Variants in MAGI2 observed in about 807,000 individuals in gnomAD.
MAGI2 encodes the protein membrane-associated guanylate kinase, WW and PDZ domain-containing protein 2.
MAGI2 carries 35 observed loss-of-function variants against 133.3 expected under a neutral mutation model. That is an observed-to-expected ratio of 0.26 (90% confidence interval 0.20 to 0.35). The LOEUF is 0.35. Ranked by LOEUF, MAGI2 falls within the 10% of genes least tolerant of loss-of-function variation. The probability of loss-of-function intolerance (pLI) is 1.00; values close to 1 mark genes in which losing one functional copy is unlikely to be tolerated. For missense variants in MAGI2, 1,636 were observed against 1,863.4 expected, an observed-to-expected ratio of 0.88 and a Z score of 2.25; for synonymous variants, 729 against 710.6, an observed-to-expected ratio of 1.03 and a Z score of -0.41.
chr7:78,798,018 T>G (rs1196599207), intron 2 of MAGI2, among the ~76,000 whole-genome samples: 2 of 152,154 alleles, frequency 1.3e-5, no homozygotes, highest in Non-Finnish European at 2.9e-5. Context: ...TGTTTTATTA[T>G]TTCTGTTCAG....
intron 2 of MAGI2, among the ~76,000 whole-genome samples, chr7:78,784,809 A>G (rs1563502514): frequency 1.3e-5 from 2 of 152,216 alleles, no homozygotes; most frequent in Non-Finnish European, 2.9e-5. Flanking sequence ...AGCTTTGAAT[A>G]AATAAATCTG....
chr7:78,139,461 T>C (rs1822518603), intron 16 of MAGI2, among the ~76,000 whole-genome samples: 1 of 152,152 alleles, frequency 6.6e-6, no homozygotes, highest in Non-Finnish European at 1.5e-5. Context: ...GCCTATGACC[T>C]AAGTGCTTTC....
Position 79,268,689 on chromosome 7 carries a change from T to A in MAGI2, c.301+184331A>T, listed in dbSNP as rs566078154. On this transcript the variant is annotated intron_variant, in intron 1 of 21. Coordinates refer to ENST00000354212, the MANE Select transcript of MAGI2 (RefSeq NM_012301.4). ...TATGTTTCCCTTTAATTTCAGTGGA[T>A]CAGCTTAGTATTTGTGGCCTTTTTG... Among the ~76,000 whole-genome samples, 3 of 152,338 alleles carry A rather than the reference T, an allele frequency of 2.0e-5. No individual in the cohort carries two copies. The East Asian group carries it at 5.8e-4, about 29-fold the overall frequency.
intron 9 of MAGI2, among the ~76,000 whole-genome samples, chr7:78,292,762 C>A (rs1236087761): frequency 1.3e-5 from 2 of 152,042 alleles, no homozygotes; most frequent in Non-Finnish European, 1.5e-5. Flanking sequence ...CAGAACAGAG[C>A]CCCTGGAAAT....
At chr7:78,543,531 A>G (rs966808715) in intron 3 of MAGI2, among the ~76,000 whole-genome samples, 4 of 152,246 alleles carry the variant, frequency 2.6e-5, no homozygotes, top group Non-Finnish European at 5.9e-5. Context: ...TTTCCTTTAT[A>G]TGAGGCCATT....
intron 21 of MAGI2, 71 bp from the exon 22 acceptor site, chr7:78,020,047 A>AC: frequency 7.3e-7 from 1 of 1,374,578 alleles, no homozygotes; most frequent in Non-Finnish European, 9.7e-7. Context: ...TACGCCGGGG[A>AC]CAGGGGCAGG....
intron 1 of MAGI2, among the ~76,000 whole-genome samples, chr7:79,197,729 G>A (rs1456794710): frequency 1.3e-5 from 2 of 151,936 alleles, no homozygotes; most frequent in African/African-American, 4.8e-5. Context: ...CCAAGGTGAA[G>A]GCTGTACCGA....
chr7:79,308,068 A>G (rs1837962042), intron 1 of MAGI2, among the ~76,000 whole-genome samples: 1 of 152,194 alleles, frequency 6.6e-6, no homozygotes, highest in African/African-American at 2.4e-5. Flanking sequence ...TGAGTCAGAT[A>G]AAAGAAAATG....
intron 1 of MAGI2, among the ~76,000 whole-genome samples, chr7:79,306,094 C>A (rs28379793): frequency 0.016 from 2,387 of 149,184 alleles, 56 homozygotes; most frequent in African/African-American, 0.057. Context: ...GCAGTCTTGA[C>A]CTTCTGGGCT....
chr7:78,489,848 GAA>G lies in MAGI2; in HGVS notation c.966-10_966-9del. 1 of 1,605,230 alleles carries G rather than the reference GAA, an allele frequency of 6.2e-7. No homozygotes were observed. Among genetic ancestry groups the G allele is most frequent in the Non-Finnish European group, 8.5e-7 (1 of 1,173,946 alleles). ...GTTGTCTTTGTGTTATGGCTGAAAA[GAA>G]AAGAGATCACTCTGAACAGACACAT... On this transcript the variant is annotated splice_polypyrimidine_tract_variant and intron_variant, in intron 5 of 21. Coordinates refer to ENST00000354212, the MANE Select transcript of MAGI2 (RefSeq NM_012301.4).
chr7:78,204,095 G>C (rs957361573), intron 10 of MAGI2, among the ~76,000 whole-genome samples: 1 of 152,174 alleles, frequency 6.6e-6, no homozygotes, highest in African/African-American at 2.4e-5. Flanking sequence ...ACAAAAGCAA[G>C]ATAAGACTTC....
intron 1 of MAGI2, among the ~76,000 whole-genome samples, chr7:79,129,102 C>A (rs942075454): frequency 2.0e-5 from 3 of 152,214 alleles, no homozygotes; most frequent in Admixed American, 6.5e-5. Flanking sequence ...AACTCCTGAC[C>A]TCAAGTGATC....
chr7:78,138,629 A>T (rs1003540115), intron 16 of MAGI2, among the ~76,000 whole-genome samples: 7 of 49,042 alleles, frequency 1.4e-4, no homozygotes, highest in African/African-American at 3.9e-4. Flanking sequence ...ATAGATTCAC[A>T]CACACACACA....
chr7:79,094,888 G>C (rs754308804), intron 1 of MAGI2, among the ~76,000 whole-genome samples: 1 of 152,176 alleles, frequency 6.6e-6, no homozygotes, highest in South Asian at 2.1e-4. Flanking sequence ...TGGAACATGG[G>C]TAGAATAGAT....
At chr7:78,338,909 G>C (rs890798542) in intron 9 of MAGI2, among the ~76,000 whole-genome samples, 25 of 152,154 alleles carry the variant, frequency 1.6e-4, no homozygotes, top group African/African-American at 6.0e-4. Flanking sequence ...GGAAGGCTGA[G>C]GCAGGGGGAT....
At chr7:78,587,683 G>T (rs1803569493) in intron 3 of MAGI2, among the ~76,000 whole-genome samples, 1 of 152,190 alleles carries the variant, frequency 6.6e-6, no homozygotes. Context: ...CTAATGTCAT[G>T]TATCATCCTC....
At chr7:78,979,652 A>G (rs1410702025) in intron 2 of MAGI2, among the ~76,000 whole-genome samples, 2 of 151,736 alleles carry the variant, frequency 1.3e-5, no homozygotes, top group Non-Finnish European at 2.9e-5. Flanking sequence ...CTCAAGTTCA[A>G]TTCCCAGGTG....
intron 20 of MAGI2, among the ~76,000 whole-genome samples, chr7:78,099,011 A>G (rs6971792): frequency 0.35 from 52,481 of 151,756 alleles, 10,319 homozygotes; most frequent in African/African-American, 0.54. Flanking sequence ...CTTTATCCCC[A>G]TTTTCAAATA....
intron 1 of MAGI2, among the ~76,000 whole-genome samples, chr7:79,279,099 C>T (rs112980859): frequency 0.036 from 5,407 of 152,138 alleles, 133 homozygotes; most frequent in African/African-American, 0.064. Context: ...TCTAAAGTGC[C>T]ATCTCCTCTG....
Sources: allele counts gnomAD v4.1 joint callset (sites outside exome capture counted in the v4.1 genomes callset), GRCh38; gene constraint gnomAD v4.1.1; transcripts MANE v1.5; gene names NCBI Gene and HGNC (gene_info 2026-07-23, HGNC 2026-07-21).